Variants in SSBP2 observed in about 807,000 individuals in gnomAD.
SSBP2 encodes single stranded DNA binding protein 2.
In SSBP2, 17 loss-of-function variants were observed where a neutral mutation model predicts 61.8. The ratio of observed to expected loss-of-function variants is 0.28; its 90% CI spans 0.19 to 0.41. The LOEUF (loss-of-function observed/expected upper bound fraction) is 0.41. SSBP2 is among the 10% of genes least tolerant of loss of function. The pLI is 1.00. For synonymous variants in SSBP2, 139 were observed against 141.3 expected (o/e 0.98, Z 0.12); for missense variants, 310 against 458.7 (o/e 0.68, Z 2.96).
At chr5:81,657,103 C>T (rs998085519) in intron 1 of SSBP2, among the ~76,000 whole-genome samples, 3 of 152,062 alleles carry the variant, frequency 2.0e-5, no homozygotes, top group Non-Finnish European at 4.4e-5. Context: ...AATTTTTTAC[C>T]GCATAACTTT....
chr5:81,737,228 T>A (rs562196741), intron 1 of SSBP2, among the ~76,000 whole-genome samples: 1 of 149,916 alleles, frequency 6.7e-6, no homozygotes, highest in Admixed American at 6.7e-5. Flanking sequence ...TCACAAAACC[T>A]CTTTACAACA....
At chr5:81,727,322 G>A (rs1303805637) in intron 1 of SSBP2, among the ~76,000 whole-genome samples, 1 of 152,228 alleles carries the variant, frequency 6.6e-6, no homozygotes, top group Non-Finnish European at 1.5e-5. Flanking sequence ...GGCCGAGGCA[G>A]GCAGATCACC....
intron 4 of SSBP2, among the ~76,000 whole-genome samples, chr5:81,606,221 C>T (rs1296708798): frequency 6.6e-6 from 1 of 152,128 alleles, no homozygotes; most frequent in Non-Finnish European, 1.5e-5. Flanking sequence ...CATTCAGCAA[C>T]ACAAAAGCCT....
intron 1 of SSBP2, among the ~76,000 whole-genome samples, chr5:81,681,243 G>C (rs1752354426): frequency 6.6e-6 from 1 of 152,110 alleles, no homozygotes; most frequent in South Asian, 2.1e-4. Flanking sequence ...AATATGGTCA[G>C]GCGCGGTGGC....
chr5:81,724,309 C>T (rs1371798702), intron 1 of SSBP2, among the ~76,000 whole-genome samples: 3 of 151,876 alleles, frequency 2.0e-5, no homozygotes, highest in African/African-American at 7.2e-5. Flanking sequence ...TTTTCATATC[C>T]TTTAATAGAG....
chr5:81,437,471 AT>A lies in SSBP2; in HGVS notation c.929-14del, dbSNP rs775775681. The A allele has an allele frequency of 1.9e-5, 31 of 1,602,488 alleles. No individual in the cohort carries two copies. In the Admixed American group the frequency reaches 5.2e-4, roughly 27 times the overall value. ...ATATCTCCTGAGCCTGAAACAAAAT[AT>A]AAAAAGAAAGCCTTTATTAGGTAAG... On this transcript the variant is annotated splice_polypyrimidine_tract_variant and intron_variant, in intron 14 of 16. Transcript: ENST00000320672.
chr5:81,500,054 T>C (rs1433558496), intron 5 of SSBP2, among the ~76,000 whole-genome samples: 5 of 152,210 alleles, frequency 3.3e-5, no homozygotes, highest in Non-Finnish European at 7.3e-5. Context: ...GATCTTCTGA[T>C]ATAACTGGCT....
intron 1 of SSBP2, among the ~76,000 whole-genome samples, chr5:81,685,984 CATGGG>C (rs1752742424): frequency 6.6e-6 from 1 of 152,184 alleles, no homozygotes; most frequent in Non-Finnish European, 1.5e-5. Flanking sequence ...CTTCAAAGCA[CATGGG>C]ATAAGTCTTG....
chr5:81,471,610 T>C (rs1397795536), intron 8 of SSBP2, among the ~76,000 whole-genome samples: 1 of 152,036 alleles, frequency 6.6e-6, no homozygotes, highest in Non-Finnish European at 1.5e-5. Flanking sequence ...AATAGCTTAA[T>C]GATGATTGGT....
chr5:81,630,978 T>C (rs535157592), intron 3 of SSBP2, among the ~76,000 whole-genome samples: 8 of 152,312 alleles, frequency 5.3e-5, no homozygotes, highest in Non-Finnish European at 8.8e-5. Flanking sequence ...CTTATGCCAT[T>C]TGTAGACTTC....
chr5:81,517,071 C>A (rs1469726546), intron 4 of SSBP2, among the ~76,000 whole-genome samples: 1 of 152,054 alleles, frequency 6.6e-6, no homozygotes, highest in Non-Finnish European at 1.5e-5. Context: ...TATGTGAATT[C>A]CCATTGGAGT....
At chr5:81,626,623 A>G (rs945747552) in intron 3 of SSBP2, among the ~76,000 whole-genome samples, 5 of 152,220 alleles carry the variant, frequency 3.3e-5, no homozygotes, top group Non-Finnish European at 7.3e-5. Flanking sequence ...GACAGCAAGC[A>G]CATTGTTAGC....
At chr5:81,591,330 T>G (rs1235464533) in intron 4 of SSBP2, among the ~76,000 whole-genome samples, 1 of 152,200 alleles carries the variant, frequency 6.6e-6, no homozygotes, top group Non-Finnish European at 1.5e-5. Context: ...TCACTAGGCA[T>G]AAATAAAATT....
intron 15 of SSBP2, among the ~76,000 whole-genome samples, chr5:81,431,591 CT>C (rs1762294750): frequency 6.6e-6 from 1 of 151,948 alleles, no homozygotes; most frequent in Non-Finnish European, 1.5e-5. Context: ...ATATCTTCTT[CT>C]CTCTTTTTTT....
intron 1 of SSBP2, among the ~76,000 whole-genome samples, chr5:81,699,419 T>C (rs1333953691): frequency 6.6e-6 from 1 of 152,264 alleles, no homozygotes; most frequent in Non-Finnish European, 1.5e-5. Flanking sequence ...GTTTATGTAA[T>C]GTTCTAAATC....
At chr5:81,632,591 G>A (rs1310532332) in intron 3 of SSBP2, among the ~76,000 whole-genome samples, 2 of 152,036 alleles carry the variant, frequency 1.3e-5, no homozygotes, top group African/African-American at 4.8e-5. Context: ...GGGTAGAGAT[G>A]GTCCTCTCCC....
chr5:81,576,102 T>G (rs965535605), intron 4 of SSBP2, among the ~76,000 whole-genome samples: 4 of 152,094 alleles, frequency 2.6e-5, no homozygotes, highest in Non-Finnish European at 5.9e-5. Context: ...CTTAGCTAGT[T>G]TGTGCATAGT....
intron 1 of SSBP2, among the ~76,000 whole-genome samples, chr5:81,736,176 ACACACACACACACTCT>A (rs1452872736): frequency 7.3e-6 from 1 of 136,370 alleles, no homozygotes; most frequent in Non-Finnish European, 1.5e-5. Context: ...ACACACACAC[ACACACACACACACTCT>A]ACGGCACTAC....
chr5:81,524,407 C>T (rs1479025190), intron 4 of SSBP2, among the ~76,000 whole-genome samples: 4 of 152,062 alleles, frequency 2.6e-5, no homozygotes, highest in African/African-American at 9.7e-5. Context: ...CAATCCCAGA[C>T]TTCTGACCTA....
Sources: allele counts gnomAD v4.1 joint callset (sites outside exome capture counted in the v4.1 genomes callset), GRCh38; gene constraint gnomAD v4.1.1; transcripts MANE v1.5; gene names NCBI Gene and HGNC (gene_info 2026-07-23, HGNC 2026-07-21).